Variants in TNS3 observed in about 807,000 individuals in gnomAD.
TNS3 encodes the protein tensin 3.
Under a neutral mutation model 140.9 loss-of-function variants are expected in TNS3, and 45 were observed. The observed-to-expected ratio is 0.32, with a 90% CI of 0.25 to 0.41. The LOEUF (loss-of-function observed/expected upper bound fraction) is 0.41, where lower values mean the gene tolerates loss of function less well. TNS3 is among the 10% of genes least tolerant of loss of function. TNS3 has a pLI of 1.00. For synonymous variants in TNS3, 815 were observed against 788.4 expected, an observed-to-expected ratio of 1.03 and a Z score of -0.56; for missense variants, 1,716 against 1,906.7, an observed-to-expected ratio of 0.90 and a Z score of 1.86.
chr7:47,477,165 G>C (rs1418752236), intron 4 of TNS3, among the ~76,000 whole-genome samples: 1 of 152,178 alleles, frequency 6.6e-6, no homozygotes, highest in African/African-American at 2.4e-5. Context: ...AGTATGGCTG[G>C]CAAGGCTCAT....
chr7:47,548,106 G>A (rs1799970055), intron 1 of TNS3, among the ~76,000 whole-genome samples: 1 of 152,118 alleles, frequency 6.6e-6, no homozygotes, highest in Non-Finnish European at 1.5e-5. Flanking sequence ...CACCATGTTG[G>A]TCAGGCTGGC....
intron 4 of TNS3, among the ~76,000 whole-genome samples, chr7:47,452,119 A>G (rs73695342): frequency 1.2e-4 from 19 of 152,310 alleles, no homozygotes; most frequent in African/African-American, 4.6e-4. Flanking sequence ...AATATTAGCT[A>G]CTTATTCCAT....
At chr7:47,529,264 T>C (rs1352042162) in intron 1 of TNS3, 117 bp from the exon 2 acceptor site, 2 of 523,564 alleles carry the variant, frequency 3.8e-6, no homozygotes, top group East Asian at 1.4e-4. Context: ...AACAGGAATT[T>C]TACCAAGCAA....
intron 1 of TNS3, among the ~76,000 whole-genome samples, chr7:47,537,851 G>A (rs1181619347): frequency 1.3e-5 from 2 of 151,938 alleles, no homozygotes; most frequent in Non-Finnish European, 2.9e-5. Flanking sequence ...AGAGGGACAC[G>A]CCTAACCAGG....
At chr7:47,474,496 G>C (rs935957189) in intron 4 of TNS3, among the ~76,000 whole-genome samples, 10 of 135,700 alleles carry the variant, frequency 7.4e-5, no homozygotes, top group Non-Finnish European at 1.6e-4. Flanking sequence ...ACACAACACA[G>C]ACATGTACAC....
intron 4 of TNS3, among the ~76,000 whole-genome samples, chr7:47,472,412 G>T (rs1796992757): frequency 6.6e-6 from 1 of 152,240 alleles, no homozygotes; most frequent in South Asian, 2.1e-4. Context: ...AGGTGTCAGT[G>T]TCACTGGGAA....
intron 16 of TNS3, among the ~76,000 whole-genome samples, chr7:47,389,017 AG>A (rs1562674449): frequency 2.7e-3 from 6 of 2,200 alleles, no homozygotes; most frequent in African/African-American, 4.7e-3. Context: ...AAGAAGAAGA[AG>A]AAGAAGAAGA....
chr7:47,332,314 A>G (rs1271211354), intron 20 of TNS3, among the ~76,000 whole-genome samples: 2 of 152,216 alleles, frequency 1.3e-5, no homozygotes, highest in East Asian at 3.9e-4. Flanking sequence ...TACCAGGTAA[A>G]TGCTTCCAGC....
chr7:47,386,669 T>A (rs866882527), intron 16 of TNS3, among the ~76,000 whole-genome samples: 2 of 152,368 alleles, frequency 1.3e-5, no homozygotes, highest in Middle Eastern at 3.4e-3. Context: ...CAGCCTGGCA[T>A]GCGTCCCCAT....
intron 1 of TNS3, among the ~76,000 whole-genome samples, chr7:47,541,712 G>T (rs909767568): frequency 1.3e-5 from 2 of 152,154 alleles, no homozygotes; most frequent in Non-Finnish European, 2.9e-5. Flanking sequence ...ACTTTGTGAG[G>T]CTGAGGCGAG....
chr7:47,389,127 A>C lies in TNS3; in HGVS notation c.1024+7673T>G, dbSNP rs201984088. ...GCGGAAGCAGAAGAAGAAGAAGAAG[A>C]AGAAGAAGAAGAAGAAGAAGAAGAA... On this transcript the variant is annotated intron_variant, in intron 16 of 30. Transcript: ENST00000311160. Among the ~76,000 whole-genome samples, 145 of 31,212 alleles carry C rather than the reference A, an allele frequency of 4.6e-3. 23 individuals carry two copies. Among genetic ancestry groups the C allele is most frequent in the Middle Eastern group, 0.033 (2 of 60 alleles). The allele number at this position is 31,212 out of a possible 152,430, so 20.5% of individuals were successfully genotyped here.
At chr7:47,501,927 C>T (rs759214402) in intron 3 of TNS3, among the ~76,000 whole-genome samples, 22 of 152,082 alleles carry the variant, frequency 1.4e-4, no homozygotes, top group African/African-American at 5.1e-4. Flanking sequence ...CCAAGCCAAG[C>T]GGGAGAGACG....
intron 17 of TNS3, among the ~76,000 whole-genome samples, chr7:47,347,264 C>T (rs150628741): frequency 1.2e-3 from 178 of 152,240 alleles, no homozygotes; most frequent in South Asian, 2.3e-3. Flanking sequence ...CATAAGGCTC[C>T]TCTTAGAATG....
chr7:47,285,454 T>A (rs560519978), intron 27 of TNS3, among the ~76,000 whole-genome samples: 1 of 152,290 alleles, frequency 6.6e-6, no homozygotes, highest in Admixed American at 6.5e-5. Flanking sequence ...GATGATTTTA[T>A]AAAGGGTAGT....
At chr7:47,396,361 A>G (rs1401257250) in intron 16 of TNS3, among the ~76,000 whole-genome samples, 1 of 152,244 alleles carries the variant, frequency 6.6e-6, no homozygotes, top group African/African-American at 2.4e-5. Context: ...TAAATCAGGA[A>G]CACTAGACTA....
chr7:47,567,044 A>G (rs924939658), intron 1 of TNS3, among the ~76,000 whole-genome samples: 28 of 152,030 alleles, frequency 1.8e-4, no homozygotes, highest in Non-Finnish European at 3.4e-4. Context: ...AAAAAAAAAA[A>G]AAAAAAAAAG....
chr7:47,313,815 T>C (rs894586691), intron 20 of TNS3, among the ~76,000 whole-genome samples: 11 of 152,186 alleles, frequency 7.2e-5, no homozygotes, highest in African/African-American at 2.4e-4. Context: ...ACAGTGCTTG[T>C]CCCAGAAAAC....
At chr7:47,284,947 G>A (rs1160788984) in intron 27 of TNS3, among the ~76,000 whole-genome samples, 1 of 152,254 alleles carries the variant, frequency 6.6e-6, no homozygotes, top group Admixed American at 6.5e-5. Context: ...CTTTAAGTCT[G>A]ACTTTTCAGA....
At chr7:47,479,771 C>T (rs1797346101) in intron 4 of TNS3, among the ~76,000 whole-genome samples, 1 of 152,246 alleles carries the variant, frequency 6.6e-6, no homozygotes, top group Non-Finnish European at 1.5e-5. Context: ...AAGGGCACCC[C>T]GCCTGTGGCC....
Sources: allele counts gnomAD v4.1 joint callset (sites outside exome capture counted in the v4.1 genomes callset), GRCh38; gene constraint gnomAD v4.1.1; transcripts MANE v1.5; gene names NCBI Gene and HGNC (gene_info 2026-07-23, HGNC 2026-07-21).